Variants in RIC1 observed in about 807,000 individuals in gnomAD.
RIC1 encodes the protein RIC1 partner of RAB6A GEF complex, also known as guanine nucleotide exchange factor subunit RIC1.
Under a neutral mutation model 169.0 loss-of-function variants are expected in RIC1, and 88 were observed. That is an observed-to-expected ratio of 0.52 (90% CI 0.44 to 0.62). The LOEUF is 0.62. RIC1 is among the 20% of genes least tolerant of loss of function. The pLI is 0.00. For synonymous variants in RIC1, 790 were observed against 601.5 expected (o/e 1.31, Z -4.59); for missense variants, 1,877 against 1,725.5 (o/e 1.09, Z -1.56).
At chr9:5,714,058 C>G (rs1241054382) in intron 4 of RIC1, 55 bp downstream of exon 4, 1 of 1,114,990 alleles carries the variant, frequency 9.0e-7, no homozygotes, top group Non-Finnish European at 1.3e-6. Context: ...CAATGTAGTT[C>G]GTAAATCCCA....
intron 6 of RIC1, among the ~76,000 whole-genome samples, chr9:5,726,671 T>A (rs1270849782): frequency 2.0e-5 from 3 of 152,264 alleles, no homozygotes; most frequent in Non-Finnish European, 4.4e-5. Context: ...CAATTTGGCA[T>A]GTTTTTGCAG....
intron 2 of RIC1, among the ~76,000 whole-genome samples, chr9:5,680,815 ATTTTTTTTTTTTTT>A (rs66478510): frequency 2.4e-4 from 14 of 57,770 alleles, no homozygotes; most frequent in Admixed American, 1.2e-3. Flanking sequence ...GCAGTCATTG[ATTTTTTTTTTTTTT>A]TTTTTTTTTT....
At position 5,686,788 on chromosome 9, in the gene RIC1, A is replaced by C. The variant is rs184350171; in HGVS notation, c.253-3171A>C. 5.3e-4 allele frequency among the ~76,000 whole-genome samples: 80 copies of C among 152,212 alleles called. 2 individuals carry two copies. The highest frequency in any genetic ancestry group is 2.1e-3 in the Admixed American group (32 of 15,296). On this transcript the variant is annotated intron_variant, in intron 2 of 25. Transcript: ENST00000414202. ...AACTTAAAGTATAATAATAAAAAAA[A>C]AGAATATGTTAATGAGGGATCTTGG... is the stretch of plus-strand genomic sequence containing the variant.
chr9:5,769,342 G>T lies in RIC1; in HGVS notation c.3424+86G>T, dbSNP rs780283505. 6 of 1,613,150 alleles carry T rather than the reference G, an allele frequency of 3.7e-6. No homozygotes were observed. In the Admixed American group the frequency reaches 1.0e-4, roughly 27 times the overall value. ...CATTTTGCTATTAGTTGATATTCAAGGAATTATTTTCATTCCAAACTTAGG... is the reference window on the plus strand; with the variant it reads ...CATTTTGCTATTAGTTGATATTCAATGAATTATTTTCATTCCAAACTTAGG... On this transcript the variant is annotated intron_variant, in intron 22 of 25. Coordinates refer to ENST00000414202, the MANE Select transcript of RIC1 (RefSeq NM_020829.4).
At chr9:5,738,395 T>C (rs1457088533) in intron 7 of RIC1, 55 bp from the exon 8 acceptor site, 3 of 1,234,410 alleles carry the variant, frequency 2.4e-6, no homozygotes, top group Non-Finnish European at 3.5e-6. Flanking sequence ...TATAATGCTT[T>C]TTCTATTTGT....
intron 1 of RIC1, among the ~76,000 whole-genome samples, chr9:5,639,375 T>C (rs758555726): frequency 1.3e-5 from 2 of 152,240 alleles, no homozygotes; most frequent in Admixed American, 1.3e-4. Flanking sequence ...TTCAGGAACA[T>C]ATTGTTTAAT....
chr9:5,738,908 C>T (rs907075111), intron 8 of RIC1, among the ~76,000 whole-genome samples: 15 of 152,218 alleles, frequency 9.9e-5, no homozygotes, highest in South Asian at 4.2e-4. Context: ...ACAGTAGCTA[C>T]GCCCACCTTA....
At chr9:5,652,131 A>G (rs1818838921) in intron 1 of RIC1, among the ~76,000 whole-genome samples, 1 of 152,186 alleles carries the variant, frequency 6.6e-6, no homozygotes, top group Non-Finnish European at 1.5e-5. Context: ...TATATTTTGA[A>G]GTCAGGTAGT....
At chr9:5,728,344 G>T (rs1291526797) in intron 6 of RIC1, among the ~76,000 whole-genome samples, 6 of 152,376 alleles carry the variant, frequency 3.9e-5, no homozygotes, top group Admixed American at 1.3e-4. Flanking sequence ...CTCCAAGCCA[G>T]GCGCAGGATA....
chr9:5,721,747 G>C (rs1823603716), intron 6 of RIC1, among the ~76,000 whole-genome samples: 1 of 152,136 alleles, frequency 6.6e-6, no homozygotes, highest in Non-Finnish European at 1.5e-5. Flanking sequence ...CCTCCTGCTA[G>C]GAATTAATGA....
chr9:5,715,856 C>A (rs1329852704), intron 4 of RIC1, among the ~76,000 whole-genome samples: 1 of 147,936 alleles, frequency 6.8e-6, no homozygotes, highest in African/African-American at 2.5e-5. Flanking sequence ...CAGGGTCTCA[C>A]CTTGTCACCC....
chr9:5,654,941 G>A (rs1248438379), intron 1 of RIC1, among the ~76,000 whole-genome samples: 4 of 152,182 alleles, frequency 2.6e-5, no homozygotes, highest in Non-Finnish European at 5.9e-5. Flanking sequence ...CTTGGATCCT[G>A]TAACCTTGCT....
chr9:5,752,794 A>T (rs1405524184), intron 12 of RIC1, among the ~76,000 whole-genome samples: 2 of 152,102 alleles, frequency 1.3e-5, no homozygotes, highest in African/African-American at 4.8e-5. Context: ...TCCATTAAAA[A>T]CCAGAACTTT....
At chr9:5,632,493 G>T (rs956540480) in intron 1 of RIC1, among the ~76,000 whole-genome samples, 4 of 152,080 alleles carry the variant, frequency 2.6e-5, no homozygotes, top group African/African-American at 7.2e-5. Context: ...GAGAAATACA[G>T]TATAGTGTTG....
intron 7 of RIC1, among the ~76,000 whole-genome samples, chr9:5,734,501 T>C (rs886433683): frequency 6.6e-6 from 1 of 152,218 alleles, no homozygotes; most frequent in Non-Finnish European, 1.5e-5. Flanking sequence ...TTCTTTCTTA[T>C]ACACCTTCAA....
chr9:5,750,507 T>G (rs1825658088), intron 12 of RIC1, among the ~76,000 whole-genome samples: 2 of 151,910 alleles, frequency 1.3e-5, no homozygotes, highest in Non-Finnish European at 1.5e-5. Flanking sequence ...TACCAGGTAT[T>G]TGGCACAGAA....
intron 16 of RIC1, among the ~76,000 whole-genome samples, chr9:5,756,854 G>A (rs1008235819): frequency 2.0e-5 from 3 of 152,126 alleles, no homozygotes; most frequent in African/African-American, 4.8e-5. Context: ...ATTTGTCTTG[G>A]CATCTGGTCT....
chr9:5,729,654 G>A (rs938220560), intron 6 of RIC1, among the ~76,000 whole-genome samples: 1 of 151,986 alleles, frequency 6.6e-6, no homozygotes, highest in African/African-American at 2.4e-5. Flanking sequence ...CTCTTTAACT[G>A]GAAAGGAATT....
chr9:5,657,895 CA>C (rs1819196441), intron 2 of RIC1, among the ~76,000 whole-genome samples: 1 of 152,070 alleles, frequency 6.6e-6, no homozygotes, highest in Non-Finnish European at 1.5e-5. Flanking sequence ...ACTTAAATTT[CA>C]GTGTCCATAA....
Sources: gnomAD v4.1 joint callset for allele counts (sites outside exome capture counted in the v4.1 genomes callset) on GRCh38, gnomAD v4.1.1 for gene constraint, MANE v1.5 for transcripts, NCBI Gene and HGNC (gene_info 2026-07-23, HGNC 2026-07-21) for gene names.